WWOX: variants seen among roughly 807,000 people sequenced by gnomAD.
The protein encoded by WWOX is WW domain containing oxidoreductase.
In WWOX, 69 loss-of-function variants were observed where a neutral mutation model predicts 46.2. The ratio of observed to expected loss-of-function variants is 1.49; its 90% confidence interval spans 1.23 to 1.82. The LOEUF (loss-of-function observed/expected upper bound fraction) is 1.82, where lower values mean the gene tolerates loss of function less well. Ranked by LOEUF, WWOX falls within the 40% of genes most tolerant of loss-of-function variation. The probability of loss-of-function intolerance (pLI) is 0.00; values close to 1 mark genes in which losing one functional copy is unlikely to be tolerated. For missense variants in WWOX, 919 were observed against 542.6 expected, an observed-to-expected ratio of 1.69 and a Z score of -6.89; for synonymous variants, 359 against 202.6, an observed-to-expected ratio of 1.77 and a Z score of -6.56.
At chr16:78,398,448 G>A (rs1488849130) in intron 6 of WWOX, among the ~76,000 whole-genome samples, 1 of 152,202 alleles carries the variant, frequency 6.6e-6, no homozygotes, top group South Asian at 2.1e-4. Flanking sequence ...GATGGCAAGA[G>A]GAGAAAAACC....
chr16:78,476,375 A>C (rs1384717631), intron 8 of WWOX, among the ~76,000 whole-genome samples: 1 of 152,142 alleles, frequency 6.6e-6, no homozygotes, highest in African/African-American at 2.4e-5. Context: ...CAAACACCGC[A>C]TGTTCTCACT....
At chr16:78,310,070 CCT>C (rs970505426) in intron 5 of WWOX, among the ~76,000 whole-genome samples, 13 of 151,926 alleles carry the variant, frequency 8.6e-5, no homozygotes, top group African/African-American at 3.1e-4. Context: ...CCTCCTTCCC[CCT>C]CTCTTTTTCC....
intron 8 of WWOX, among the ~76,000 whole-genome samples, chr16:78,743,635 G>T (rs2049281887): frequency 6.6e-6 from 1 of 152,186 alleles, no homozygotes; most frequent in South Asian, 2.1e-4. Context: ...ACTTTTCTGA[G>T]TTGCAGATGG....
intron 8 of WWOX, among the ~76,000 whole-genome samples, chr16:78,559,567 AAG>A (rs1212154972): frequency 5.3e-5 from 8 of 152,238 alleles, no homozygotes; most frequent in African/African-American, 1.9e-4. Context: ...TGCTGGAAAA[AAG>A]AGGCTCTAAG....
At chr16:78,733,999 C>G (rs1012070704) in intron 8 of WWOX, among the ~76,000 whole-genome samples, 1 of 150,090 alleles carries the variant, frequency 6.7e-6, no homozygotes, top group Non-Finnish European at 1.5e-5. Context: ...AGCCGAGGCT[C>G]CAGTGAGTCA....
intron 8 of WWOX, among the ~76,000 whole-genome samples, chr16:78,797,083 C>T (rs563637793): frequency 2.1e-4 from 32 of 152,186 alleles, no homozygotes; most frequent in Non-Finnish European, 4.4e-4. Context: ...ACCTCAGCCT[C>T]CTAAAGTGTT....
intron 8 of WWOX, chr16:78,825,799 G>A: frequency 1.7e-6 from 1 of 595,060 alleles, no homozygotes; most frequent in East Asian, 3.1e-5. Flanking sequence ...TGTGCCATGT[G>A]CTGCTCAGAT....
intron 8 of WWOX, among the ~76,000 whole-genome samples, chr16:78,743,015 A>G (rs1458297695): frequency 6.8e-6 from 1 of 146,416 alleles, no homozygotes; most frequent in Non-Finnish European, 1.5e-5. Flanking sequence ...ATACAGTCCC[A>G]ACCCTTACTG....
At position 78,114,996 on chromosome 16, in the gene WWOX, C is replaced by T. The variant is rs757145186; in HGVS notation, c.251C>T (p.Thr84Ile). 1 of 1,614,198 alleles carries T rather than the reference C, an allele frequency of 6.2e-7. No individual in the cohort carries two copies. The highest frequency in any genetic ancestry group is 8.5e-7 in the Non-Finnish European group (1 of 1,180,044). ...GGCAGCCATATAAATAAAAGAACCA[C>T]CTACTTGGACCCAAGACTGGCGTTT... ...FFVDHINKRT[T>I]YLDPRLAFTV... Residue 84 changes from threonine to isoleucine, a missense_variant, in exon 4 of 9, where the codon ACC becomes ATC. Thr to Ile is a moderately conservative substitution (Grantham distance 89, BLOSUM62 -1). Transcript: ENST00000566780.
chr16:79,211,600 A>G lies in WWOX; in HGVS notation c.1057-8A>G, dbSNP rs746503294. On this transcript the variant is annotated splice_region_variant and splice_polypyrimidine_tract_variant and intron_variant, in intron 8 of 8. Transcript: ENST00000566780. ...AATTTTTTTTTGTCTTTCTTCTTGG[A>G]TTTCCAGCAACAGGGAGCTGCCACC... 3 of 1,614,074 alleles carry G rather than the reference A, an allele frequency of 1.9e-6. No homozygotes were observed. Among genetic ancestry groups the G allele is most frequent in the Non-Finnish European group, 2.5e-6 (3 of 1,180,026 alleles).
intron 8 of WWOX, among the ~76,000 whole-genome samples, chr16:78,456,107 C>A (rs1479812394): frequency 6.6e-6 from 1 of 152,188 alleles, no homozygotes; most frequent in Non-Finnish European, 1.5e-5. Context: ...AGGATTCAAG[C>A]CCCTTGCAAC....
intron 5 of WWOX, among the ~76,000 whole-genome samples, chr16:78,290,005 T>G (rs939198002): frequency 2.6e-5 from 4 of 152,236 alleles, no homozygotes; most frequent in Non-Finnish European, 5.9e-5. Flanking sequence ...TAAAGGTTTT[T>G]AATGTCACTT....
At chr16:78,933,923 G>GGCTCGCAC (rs897844801) in intron 8 of WWOX, among the ~76,000 whole-genome samples, 6 of 152,098 alleles carry the variant, frequency 3.9e-5, no homozygotes, top group African/African-American at 1.4e-4. Flanking sequence ...TGGGTGAAGT[G>GGCTCGCAC]GCTCGCACCT....
rs79124975 is a variant in WWOX, at chr16:78,987,676, C to T, written c.1057-223932C>T. ...ATATGTCTTTGTTTCTGTACAGGGC[C>T]CTCCATGTTCAGAGGCAGAGTAACG... On this transcript the variant is annotated intron_variant, in intron 8 of 8. Coordinates refer to ENST00000566780, the MANE Select transcript of WWOX (RefSeq NM_016373.4). 2.5e-3 allele frequency among the ~76,000 whole-genome samples: 384 copies of T among 152,234 alleles called. 3 individuals carry two copies. Among genetic ancestry groups the T allele is most frequent in the Middle Eastern group, 0.01 (3 of 294 alleles).
chr16:79,116,701 A>G (rs2049522743), intron 8 of WWOX, among the ~76,000 whole-genome samples: 1 of 152,060 alleles, frequency 6.6e-6, no homozygotes. Context: ...CCTCAGAGTC[A>G]CCCAAGAAGG....
At chr16:78,450,342 C>T (rs1014582598) in intron 8 of WWOX, among the ~76,000 whole-genome samples, 3 of 152,090 alleles carry the variant, frequency 2.0e-5, no homozygotes, top group African/African-American at 7.2e-5. Flanking sequence ...AAGTAATCCA[C>T]GAGAATGTAT....
chr16:78,931,191 C>T (rs1480205451), intron 8 of WWOX, among the ~76,000 whole-genome samples: 1 of 152,174 alleles, frequency 6.6e-6, no homozygotes, highest in African/African-American at 2.4e-5. Context: ...TAGACAGTTA[C>T]CACACTCAGG....
At chr16:78,840,460 G>A (rs944408918) in intron 8 of WWOX, among the ~76,000 whole-genome samples, 3 of 152,144 alleles carry the variant, frequency 2.0e-5, no homozygotes, top group Non-Finnish European at 2.9e-5. Flanking sequence ...GAAGAGGAGC[G>A]ATGGCATGGC....
At chr16:79,029,225 C>T (rs574440423) in intron 8 of WWOX, among the ~76,000 whole-genome samples, 1 of 152,298 alleles carries the variant, frequency 6.6e-6, no homozygotes, top group Admixed American at 6.5e-5. Context: ...CCCACCCCGT[C>T]ACGGCTGGGC....
Sources: allele counts gnomAD v4.1 joint callset (sites outside exome capture counted in the v4.1 genomes callset), GRCh38; gene constraint gnomAD v4.1.1; transcripts MANE v1.5; gene names NCBI Gene and HGNC (gene_info 2026-07-23, HGNC 2026-07-21).